Variants in VAV1 observed in about 807,000 individuals in gnomAD.
VAV1 encodes vav guanine nucleotide exchange factor 1.
A neutral mutation model predicts 128.1 loss-of-function variants in VAV1; 33 were observed. That is an observed-to-expected ratio of 0.26 (90% CI 0.20 to 0.34). VAV1 has a LOEUF of 0.34. Among genes scored for constraint, VAV1 ranks in the 10% least tolerant of loss-of-function variants. The probability of loss-of-function intolerance (pLI) is 1.00; values close to 1 mark genes in which losing one functional copy is unlikely to be tolerated. For missense variants in VAV1, 715 were observed against 1,093.7 expected, an observed-to-expected ratio of 0.65 and a Z score of 4.88; for synonymous variants, 394 against 409.8, an observed-to-expected ratio of 0.96 and a Z score of 0.47.
At chr19:6,803,499 C>G (rs1269785891) in intron 1 of VAV1, among the ~76,000 whole-genome samples, 1 of 152,152 alleles carries the variant, frequency 6.6e-6, no homozygotes, top group Admixed American at 6.6e-5. Context: ...AGCCCCACCT[C>G]CAGAGTCAAG....
chr19:6,831,130 G>A (rs1412941241), intron 14 of VAV1, among the ~76,000 whole-genome samples: 1 of 152,062 alleles, frequency 6.6e-6, no homozygotes, highest in African/African-American at 2.4e-5. Context: ...TGTGGTAGGT[G>A]AGGGTGGGAG....
intron 1 of VAV1, among the ~76,000 whole-genome samples, chr19:6,798,918 TC>T (rs1301176529): frequency 1.9e-5 from 1 of 53,370 alleles, no homozygotes; most frequent in African/African-American, 7.3e-5. Flanking sequence ...CCTCCCTGCC[TC>T]CCCCTCCTCC....
chr19:6,807,810 G>A (rs1165259691), intron 1 of VAV1, among the ~76,000 whole-genome samples: 4 of 151,728 alleles, frequency 2.6e-5, no homozygotes, highest in Non-Finnish European at 5.9e-5. Context: ...GACCAAGATG[G>A]TGAAACCCCA....
intron 21 of VAV1, among the ~76,000 whole-genome samples, chr19:6,838,017 A>G (rs1429521602): frequency 6.6e-6 from 1 of 152,028 alleles, no homozygotes; most frequent in African/African-American, 2.4e-5. Flanking sequence ...TTCCAACCCC[A>G]TCATTCTTTC....
chr19:6,780,589 T>TGG lies in VAV1; in HGVS notation c.204+7580_204+7581dup, dbSNP rs1337081927. ...TTCTTTTTTCTTTTTTTTTTTTTTT[T>TGG]GGGACGGAGTCTCACTCTATTCCTC... On this transcript the variant is annotated intron_variant, in intron 1 of 26. Coordinates refer to ENST00000602142, the MANE Select transcript of VAV1 (RefSeq NM_005428.4). Among the ~76,000 whole-genome samples, 423 of 128,316 alleles carry TGG rather than the reference T, an allele frequency of 3.3e-3. 3 individuals carry two copies. The highest frequency in any genetic ancestry group is 0.013 in the African/African-American group (401 of 31,324). The allele number at this position is 128,316 out of a possible 152,430, so 84.2% of individuals were successfully genotyped here.
At chr19:6,817,675 T>G (rs1443974297) in intron 1 of VAV1, among the ~76,000 whole-genome samples, 1 of 151,908 alleles carries the variant, frequency 6.6e-6, no homozygotes, top group Non-Finnish European at 1.5e-5. Flanking sequence ...TTATGAAATT[T>G]TAATTAATTT....
At position 6,780,112 on chromosome 19, in the gene VAV1, AAATAATAATAATAAT is replaced by A. The variant is rs55937714; in HGVS notation, c.204+7134_204+7148del. Reference sequence around the variant, plus strand: ...GGCGACAGAGCAAGACTCTGTCTTAAAATAATAATAATAATAATAATAATAATAATAATAATAATA... The same window carrying A: ...GGCGACAGAGCAAGACTCTGTCTTAAAATAATAATAATAATAATAATAATA... On this transcript the variant is annotated intron_variant, in intron 1 of 26. Coordinates refer to ENST00000602142, the MANE Select transcript of VAV1 (RefSeq NM_005428.4). Among the ~76,000 whole-genome samples, 229 of 127,512 alleles carry A rather than the reference AAATAATAATAATAAT, an allele frequency of 1.8e-3. 3 individuals carry two copies. Among genetic ancestry groups the A allele is most frequent in the Middle Eastern group, 3.8e-3 (1 of 262 alleles). 83.7% of individuals were successfully genotyped at this position (127,512 alleles called of 152,430 possible).
intron 1 of VAV1, among the ~76,000 whole-genome samples, chr19:6,806,267 A>G (rs948476475): frequency 6.6e-6 from 1 of 152,084 alleles, no homozygotes; most frequent in African/African-American, 2.4e-5. Context: ...TTGTATTTTT[A>G]GTAGAAACGG....
intron 6 of VAV1, among the ~76,000 whole-genome samples, chr19:6,823,527 TTTG>T (rs1372573426): frequency 2.0e-5 from 3 of 151,960 alleles, no homozygotes; most frequent in African/African-American, 7.2e-5. Flanking sequence ...ATATATATTT[TTTG>T]TTATGTTAAC....
At chr19:6,785,553 A>G (rs1165324211) in intron 1 of VAV1, among the ~76,000 whole-genome samples, 1 of 151,992 alleles carries the variant, frequency 6.6e-6, no homozygotes, top group East Asian at 1.9e-4. Flanking sequence ...GCTGGTCTCA[A>G]ACTCCTGACT....
At chr19:6,846,280 C>T (rs956930829) in intron 22 of VAV1, among the ~76,000 whole-genome samples, 3 of 150,958 alleles carry the variant, frequency 2.0e-5, no homozygotes, top group African/African-American at 4.9e-5. Context: ...GAGATATTTA[C>T]GCTTATATAA....
At chr19:6,836,043 T>G (rs1972214460) in intron 19 of VAV1, 1 of 164,138 alleles carries the variant, frequency 6.1e-6, no homozygotes, top group African/African-American at 2.4e-5. Flanking sequence ...CCAGCTAATT[T>G]CTGTAGTTTT....
At position 6,822,117 on chromosome 19, in the gene VAV1, C is replaced by A; in HGVS notation, c.450-104C>A. The A allele has an allele frequency of 8.2e-7, 1 of 1,223,810 alleles. No individual in the cohort carries two copies. The highest frequency in any genetic ancestry group is 1.2e-6 in the Non-Finnish European group (1 of 862,972). The allele number at this position is 1,223,810 out of a possible 1,614,324, so 75.8% of individuals were successfully genotyped here. Reference sequence around the variant, plus strand: ...TGGCCTGCCCTTGGAGTCTGAGGTCCCACCCTTGGAGTCTTGGGGGGACAA... The same window carrying A: ...TGGCCTGCCCTTGGAGTCTGAGGTCACACCCTTGGAGTCTTGGGGGGACAA... On this transcript the variant is annotated intron_variant, in intron 4 of 26. Coordinates refer to ENST00000602142, the MANE Select transcript of VAV1 (RefSeq NM_005428.4). This position sits in a 1 kb window ranked among gnomAD's most constrained non-coding sequence, Gnocchi z 5.9.
chr19:6,840,164 G>C (rs1240789951), intron 21 of VAV1, among the ~76,000 whole-genome samples: 2 of 152,092 alleles, frequency 1.3e-5, no homozygotes. Flanking sequence ...TTCTACTCTT[G>C]AGCTCTATGG....
Position 6,820,632 on chromosome 19 carries a change from G to A in VAV1, c.205-70G>A, listed in dbSNP as rs1971757892. On this transcript the variant is annotated intron_variant, in intron 1 of 26. Transcript: ENST00000602142. The surrounding 1 kb of genome is among the most constrained non-coding windows in gnomAD (Gnocchi z 4.4). Reference sequence around the variant, plus strand: ...CCCTCCACACCAGTCCCCAAGCTAGGTGGCCTGGGGGTCAGTTTCTCCCCT... The same window carrying A: ...CCCTCCACACCAGTCCCCAAGCTAGATGGCCTGGGGGTCAGTTTCTCCCCT... 2 of 1,268,406 alleles carry A rather than the reference G, an allele frequency of 1.6e-6. No homozygotes were observed. Among genetic ancestry groups the A allele is most frequent in the Non-Finnish European group, 2.3e-6 (2 of 868,670 alleles). 78.6% of individuals were successfully genotyped at this position (1,268,406 alleles called of 1,614,324 possible).
chr19:6,778,712 A>G (rs1397043472), intron 1 of VAV1, among the ~76,000 whole-genome samples: 1 of 151,650 alleles, frequency 6.6e-6, no homozygotes, highest in African/African-American at 2.4e-5. Flanking sequence ...GGCAACAGAG[A>G]GAGACTTTGT....
intron 20 of VAV1, 48 bp from the exon 21 acceptor site, chr19:6,836,937 T>G: frequency 6.3e-7 from 1 of 1,599,112 alleles, no homozygotes; most frequent in Non-Finnish European, 8.6e-7. Flanking sequence ...GGTGGGGTTA[T>G]GGATCCTATA....
chr19:6,828,044 C>T lies in VAV1; in HGVS notation c.928-32C>T. ...GCAACTGGCTGTTTCTGGGACCTGC[C>T]TCAGTTTCCCCATTGTTCTCTGATT... On this transcript the variant is annotated intron_variant, in intron 9 of 26. Coordinates refer to ENST00000602142, the MANE Select transcript of VAV1 (RefSeq NM_005428.4). This position sits in a 1 kb window ranked among gnomAD's most constrained non-coding sequence, Gnocchi z 4.5. 1.2e-6 allele frequency: 2 copies of T among 1,603,778 alleles called. No homozygotes were observed. The highest frequency in any genetic ancestry group is 1.7e-6 in the Non-Finnish European group (2 of 1,170,766).
intron 22 of VAV1, among the ~76,000 whole-genome samples, chr19:6,846,807 ATAT>A (rs1205271979): frequency 4.1e-5 from 6 of 147,700 alleles, no homozygotes; most frequent in African/African-American, 1.5e-4. Context: ...AGATAGTTAT[ATAT>A]TATTATATAA....
Sources: gnomAD v4.1 joint callset for allele counts (sites outside exome capture counted in the v4.1 genomes callset) on GRCh38, gnomAD v4.1.1 for gene constraint, Gnocchi (gnomAD v3.1) non-coding constraint, MANE v1.5 for transcripts, NCBI Gene and HGNC (gene_info 2026-07-23, HGNC 2026-07-21) for gene names.